NAV3: variants seen among roughly 807,000 people sequenced by gnomAD.
NAV3 encodes pore membrane and/or filament interacting like protein 1.
A neutral mutation model predicts 244.7 loss-of-function variants in NAV3; 87 were observed. That is an observed-to-expected ratio of 0.36 (90% confidence interval 0.30 to 0.42). NAV3 has a LOEUF of 0.42. Among genes scored for constraint, NAV3 ranks in the 20% least tolerant of loss-of-function variants. The pLI is 1.00. For missense variants in NAV3, 2,663 were observed against 2,893.3 expected (o/e 0.92, Z 1.83); for synonymous variants, 1,126 against 1,042.2 (o/e 1.08, Z -1.55).
chr12:77,971,511 A>G (rs888313569), intron 5 of NAV3, among the ~76,000 whole-genome samples: 1 of 152,142 alleles, frequency 6.6e-6, no homozygotes, highest in Non-Finnish European at 1.5e-5. Context: ...TATGTAAATT[A>G]GAATTTATGT....
At chr12:77,862,074 T>C (rs573534858) in intron 1 of NAV3, among the ~76,000 whole-genome samples, 2 of 151,952 alleles carry the variant, frequency 1.3e-5, no homozygotes, top group East Asian at 3.9e-4. Context: ...TAGATAATAT[T>C]GTGATAGTTA....
chr12:77,804,322 G>T (rs932793773), intron 2 of NAV3, among the ~76,000 whole-genome samples: 3 of 152,072 alleles, frequency 2.0e-5, no homozygotes, highest in African/African-American at 7.2e-5. Context: ...AGTTAATTTT[G>T]TATAAGGTGT....
At chr12:78,184,585 T>G (rs1357751695) in intron 30 of NAV3, among the ~76,000 whole-genome samples, 1 of 151,866 alleles carries the variant, frequency 6.6e-6, no homozygotes, top group Non-Finnish European at 1.5e-5. Flanking sequence ...AGAGTATTTT[T>G]ATTGCTTACT....
At chr12:78,125,444 T>C (rs1955866458) in intron 16 of NAV3, among the ~76,000 whole-genome samples, 2 of 152,214 alleles carry the variant, frequency 1.3e-5, no homozygotes, top group Admixed American at 6.5e-5. Context: ...TTGGTGGCCA[T>C]TGAGCCATAA....
Position 78,119,894 on chromosome 12 carries a change from T to A in NAV3, c.3698T>A (p.Leu1233His), listed in dbSNP as rs761352380. ...GCCAGCGCCTGTGGTGCACAAGGTC[T>A]CAGGCAGCCAGGATCCAAGTATCCA... is the stretch of plus-strand genomic sequence containing the variant. ...TSASACGAQG[L>H]RQPGSKYPDI... The change falls in exon 15 of 40, where the codon CTC (leucine) becomes CAC (histidine). Residue 1233 changes from leucine to histidine, a missense_variant. Transcript: ENST00000397909. 6.2e-7 allele frequency: 1 copy of A among 1,614,146 alleles called. No homozygotes were observed. The highest frequency in any genetic ancestry group is 8.5e-7 in the Non-Finnish European group (1 of 1,180,016).
At chr12:77,985,114 C>T (rs1162023495) in intron 5 of NAV3, among the ~76,000 whole-genome samples, 5 of 152,174 alleles carry the variant, frequency 3.3e-5, no homozygotes, top group African/African-American at 1.2e-4. Flanking sequence ...CCGCGCCCAG[C>T]CTATACTTTT....
At chr12:77,804,271 T>G (rs150603132) in intron 2 of NAV3, among the ~76,000 whole-genome samples, 2 of 152,234 alleles carry the variant, frequency 1.3e-5, no homozygotes, top group African/African-American at 2.4e-5. Flanking sequence ...CTAGGGTTTT[T>G]ATCGTTTTAG....
At chr12:77,979,979 G>T (rs567382466) in intron 5 of NAV3, among the ~76,000 whole-genome samples, 11 of 152,246 alleles carry the variant, frequency 7.2e-5, no homozygotes, top group Admixed American at 2.6e-4. Context: ...GGTTTATATG[G>T]CAAGGAAGAA....
intron 1 of NAV3, among the ~76,000 whole-genome samples, chr12:77,843,577 T>A (rs1804136205): frequency 6.6e-6 from 1 of 152,072 alleles, no homozygotes; most frequent in Admixed American, 6.6e-5. Context: ...AGGTTCTTTT[T>A]AGGAATCTAT....
At chr12:77,603,528 A>C (rs1208802687) in intron 2 of NAV3, among the ~76,000 whole-genome samples, 1 of 152,046 alleles carries the variant, frequency 6.6e-6, no homozygotes, top group Non-Finnish European at 1.5e-5. Flanking sequence ...TGATCTCATC[A>C]AAAGACATTT....
At chr12:78,071,789 T>A (rs575437581) in intron 12 of NAV3, among the ~76,000 whole-genome samples, 5 of 152,198 alleles carry the variant, frequency 3.3e-5, no homozygotes, top group African/African-American at 1.2e-4. Context: ...GTTGTAGATA[T>A]GCGGCCCTCA....
At chr12:77,929,300 T>C (rs974181238) in intron 1 of NAV3, among the ~76,000 whole-genome samples, 1 of 151,086 alleles carries the variant, frequency 6.6e-6, no homozygotes, top group African/African-American at 2.5e-5. Flanking sequence ...AACCAATTTT[T>C]AGAGTTCCAT....
chr12:77,709,971 T>C (rs966491549), intron 2 of NAV3, among the ~76,000 whole-genome samples: 2 of 152,156 alleles, frequency 1.3e-5, no homozygotes, highest in Non-Finnish European at 2.9e-5. Flanking sequence ...TATTATGGAA[T>C]CATAAACTCT....
intron 1 of NAV3, among the ~76,000 whole-genome samples, chr12:77,867,577 G>A (rs971814641): frequency 8.6e-5 from 13 of 152,012 alleles, no homozygotes; most frequent in African/African-American, 2.9e-4. Flanking sequence ...CCGCCACCAC[G>A]CCCGGCTAAT....
intron 2 of NAV3, among the ~76,000 whole-genome samples, chr12:77,809,416 T>A (rs543898907): frequency 6.6e-6 from 1 of 152,316 alleles, no homozygotes; most frequent in East Asian, 1.9e-4. Context: ...TTCCCTTGGC[T>A]AGGGGAGGGA....
At chr12:78,004,841 A>C (rs1239199575) in intron 7 of NAV3, among the ~76,000 whole-genome samples, 1 of 152,088 alleles carries the variant, frequency 6.6e-6, no homozygotes, top group Non-Finnish European at 1.5e-5. Context: ...ATATGTGTGT[A>C]CTCGCCTGAG....
intron 2 of NAV3, among the ~76,000 whole-genome samples, chr12:77,710,688 A>C (rs1482594720): frequency 6.6e-6 from 1 of 152,186 alleles, no homozygotes; most frequent in Non-Finnish European, 1.5e-5. Flanking sequence ...TATCTCAGAC[A>C]TGCACACAGA....
chr12:77,628,282 A>G (rs1054202458), intron 2 of NAV3, among the ~76,000 whole-genome samples: 1 of 152,192 alleles, frequency 6.6e-6, no homozygotes, highest in Non-Finnish European at 1.5e-5. Flanking sequence ...TACAATTATT[A>G]TGTATCAATA....
intron 12 of NAV3, among the ~76,000 whole-genome samples, chr12:78,095,866 A>G (rs1025881409): frequency 2.6e-4 from 40 of 152,200 alleles, no homozygotes; most frequent in African/African-American, 9.7e-4. Flanking sequence ...GTGACTGTCT[A>G]GCTGAAATCC....
Sources: allele counts gnomAD v4.1 joint callset (sites outside exome capture counted in the v4.1 genomes callset), GRCh38; gene constraint gnomAD v4.1.1; transcripts MANE v1.5; gene names NCBI Gene and HGNC (gene_info 2026-07-23, HGNC 2026-07-21).